Variants in MARCHF1 observed in about 807,000 individuals in gnomAD.
MARCHF1 encodes E3 ubiquitin-protein ligase MARCHF1.
A neutral mutation model predicts 54.2 loss-of-function variants in MARCHF1; 40 were observed. The observed-to-expected ratio is 0.74, with a 90% CI of 0.57 to 0.96. MARCHF1 has a LOEUF of 0.96. MARCHF1 is among the 40% of genes least tolerant of loss of function. MARCHF1 has a pLI of 0.00. For synonymous variants in MARCHF1, 236 were observed against 236.3 expected, an observed-to-expected ratio of 1.00 and a Z score of 0.01; for missense variants, 586 against 656.5, an observed-to-expected ratio of 0.89 and a Z score of 1.17.
intron 1 of MARCHF1, among the ~76,000 whole-genome samples, chr4:164,124,816 A>C (rs1756145910): frequency 6.6e-6 from 1 of 152,158 alleles, no homozygotes; most frequent in African/African-American, 2.4e-5. Flanking sequence ...GGGGACAGTT[A>C]GTGTGCACTT....
chr4:163,783,555 C>T lies in MARCHF1; in HGVS notation c.111+70466G>A, dbSNP rs185059997. 1.7e-3 allele frequency among the ~76,000 whole-genome samples: 257 copies of T among 152,258 alleles called. 1 individual carries two copies. Among genetic ancestry groups the T allele is most frequent in the African/African-American group, 5.8e-3 (241 of 41,542 alleles). On this transcript the variant is annotated intron_variant, in intron 4 of 9. Transcript: ENST00000514618. ...TGAGATCTGAGTCATCTGTCTTCAC[C>T]GTAGCTGCAAGAGAGCCTGGGAAAT...
chr4:163,674,086 T>G (rs1200870020), intron 5 of MARCHF1, among the ~76,000 whole-genome samples: 1 of 152,196 alleles, frequency 6.6e-6, no homozygotes, highest in South Asian at 2.1e-4. Flanking sequence ...GCTCCTCTCC[T>G]TCACTGCCTT....
chr4:164,189,004 T>C, intron 1 of MARCHF1: 1 of 704,902 alleles, frequency 1.4e-6, no homozygotes, highest in East Asian at 2.5e-5. Flanking sequence ...CTATTGGTTA[T>C]GGCCTGGATA....
At chr4:164,294,927 T>C (rs1016100505) in intron 1 of MARCHF1, among the ~76,000 whole-genome samples, 2 of 152,124 alleles carry the variant, frequency 1.3e-5, no homozygotes, top group African/African-American at 4.8e-5. Flanking sequence ...TCTCCAAACT[T>C]ACCAGTATTT....
chr4:164,383,210 C>G (rs890606250), intron 1 of MARCHF1: 11 of 152,402 alleles, frequency 7.2e-5, no homozygotes, highest in African/African-American at 2.6e-4. Context: ...ACCCTCCTGG[C>G]GTCTTAAGTC....
At chr4:163,847,725 T>C (rs12507618) in intron 4 of MARCHF1, among the ~76,000 whole-genome samples, 128,123 of 151,454 alleles carry the variant, frequency 0.85, 55,788 homozygotes, top group Non-Finnish European at 0.97. Context: ...GGATTACAGG[T>C]GGCTGCCACC....
chr4:164,155,823 T>C (rs1034165805), intron 1 of MARCHF1, among the ~76,000 whole-genome samples: 1 of 152,166 alleles, frequency 6.6e-6, no homozygotes, highest in African/African-American at 2.4e-5. Flanking sequence ...AATAAATTTT[T>C]AAAGAGATTT....
intron 1 of MARCHF1, among the ~76,000 whole-genome samples, chr4:164,229,183 A>T (rs567343275): frequency 6.6e-6 from 1 of 152,326 alleles, no homozygotes; most frequent in Non-Finnish European, 1.5e-5. Flanking sequence ...TCAAGAAGCA[A>T]AGCCTGATTA....
At chr4:163,934,613 C>T (rs998988784) in intron 3 of MARCHF1, among the ~76,000 whole-genome samples, 5 of 146,640 alleles carry the variant, frequency 3.4e-5, no homozygotes, top group Admixed American at 6.8e-5. Context: ...GAAGCAACTC[C>T]ACATCTGTTC....
intron 4 of MARCHF1, among the ~76,000 whole-genome samples, chr4:163,732,336 G>A (rs1458909479): frequency 2.6e-5 from 4 of 151,852 alleles, no homozygotes; most frequent in African/African-American, 7.3e-5. Context: ...AAGACATAGT[G>A]CAAACATTTA....
intron 3 of MARCHF1, among the ~76,000 whole-genome samples, chr4:163,907,822 T>C (rs1446554297): frequency 6.6e-6 from 1 of 152,136 alleles, no homozygotes; most frequent in East Asian, 1.9e-4. Context: ...GGTTTATTAC[T>C]TTAGAACGAT....
chr4:164,141,969 G>A lies in MARCHF1; in HGVS notation c.-322-30307C>T, dbSNP rs187052031. Among the ~76,000 whole-genome samples, 121 of 120,216 alleles carry A rather than the reference G, an allele frequency of 1.0e-3. 1 individual carries two copies. Among genetic ancestry groups the A allele is most frequent in the East Asian group, 8.1e-3 (34 of 4,204 alleles). 78.9% of individuals were successfully genotyped at this position (120,216 alleles called of 152,430 possible). Reference sequence around the variant, plus strand: ...GCGCAGGTCAGTGGGTGGGCGCACCGTGAGCGAGCCAAAGTAGGGCGAGGC... The same window carrying A: ...GCGCAGGTCAGTGGGTGGGCGCACCATGAGCGAGCCAAAGTAGGGCGAGGC... On this transcript the variant is annotated intron_variant, in intron 1 of 9. Coordinates refer to ENST00000514618, the MANE Select transcript of MARCHF1 (RefSeq NM_001394959.1).
intron 4 of MARCHF1, among the ~76,000 whole-genome samples, chr4:163,719,490 G>C (rs1010193315): frequency 1.7e-4 from 26 of 152,036 alleles, no homozygotes; most frequent in Non-Finnish European, 4.4e-5. Flanking sequence ...GCAATAAACA[G>C]ATGTGTGTGT....
chr4:164,133,346 A>G (rs1005020875), intron 1 of MARCHF1, among the ~76,000 whole-genome samples: 1 of 152,178 alleles, frequency 6.6e-6, no homozygotes, highest in African/African-American at 2.4e-5. Context: ...CAATGAATCC[A>G]TGTACTCCAA....
chr4:163,812,574 A>C (rs923928414), intron 4 of MARCHF1, among the ~76,000 whole-genome samples: 3 of 152,100 alleles, frequency 2.0e-5, no homozygotes, highest in Non-Finnish European at 4.4e-5. Context: ...CCTGGCCAAC[A>C]TGGTGAAACC....
chr4:163,694,997 T>A (rs879347841), intron 5 of MARCHF1, among the ~76,000 whole-genome samples: 1 of 152,196 alleles, frequency 6.6e-6, no homozygotes, highest in Non-Finnish European at 1.5e-5. Flanking sequence ...TTCCTAATTA[T>A]ATATCCTACT....
At chr4:163,978,238 T>G (rs963633411) in intron 3 of MARCHF1, among the ~76,000 whole-genome samples, 4 of 152,196 alleles carry the variant, frequency 2.6e-5, no homozygotes, top group African/African-American at 9.6e-5. Flanking sequence ...ATCATTAATT[T>G]TATCATCATT....
intron 1 of MARCHF1, among the ~76,000 whole-genome samples, chr4:164,210,987 T>C (rs1310304356): frequency 1.3e-5 from 2 of 152,002 alleles, no homozygotes; most frequent in Admixed American, 6.6e-5. Flanking sequence ...CTCATTTATA[T>C]GTGGAATCTA....
At chr4:163,757,548 G>A (rs1746712296) in intron 4 of MARCHF1, among the ~76,000 whole-genome samples, 1 of 151,994 alleles carries the variant, frequency 6.6e-6, no homozygotes, top group Non-Finnish European at 1.5e-5. Context: ...AGAGAATATT[G>A]CCTAAGAAGA....
Sources: gnomAD v4.1 joint callset for allele counts (sites outside exome capture counted in the v4.1 genomes callset) on GRCh38, gnomAD v4.1.1 for gene constraint, MANE v1.5 for transcripts, NCBI Gene and HGNC (gene_info 2026-07-23, HGNC 2026-07-21) for gene names.